Variants in SMC2 observed in about 807,000 individuals in gnomAD.
SMC2 encodes the protein structural maintenance of chromosomes 2.
SMC2 carries 41 observed loss-of-function variants against 142.6 expected under a neutral mutation model. The observed-to-expected ratio is 0.29, with a 90% CI of 0.22 to 0.37. The LOEUF is 0.37. Ranked by LOEUF, SMC2 falls within the 10% of genes least tolerant of loss-of-function variation. SMC2 has a pLI of 1.00. For synonymous variants in SMC2, 463 were observed against 457.5 expected (o/e 1.01, Z -0.15); for missense variants, 1,265 against 1,373.7 (o/e 0.92, Z 1.25).
intron 9 of SMC2, among the ~76,000 whole-genome samples, chr9:104,108,604 A>C (rs552439172): frequency 6.6e-6 from 1 of 152,312 alleles, no homozygotes; most frequent in South Asian, 2.1e-4. Context: ...AACAACCAGG[A>C]GATCATGATT....
In SMC2 at chr9:104,126,720, A is replaced by G; in HGVS notation, c.2531A>G (p.Asn844Ser). 1 of 1,612,798 alleles carries G rather than the reference A, an allele frequency of 6.2e-7. No individual in the cohort carries two copies. The highest frequency in any genetic ancestry group is 1.1e-5 in the South Asian group (1 of 91,048). ...TSYKQQLEAVNEAIKSYESQI... is the reference protein window; with the variant it reads ...TSYKQQLEAVSEAIKSYESQI... ...TACAAACAACAGCTTGAAGCTGTAA[A>G]TGAAGCTATCAAATCCTATGAAAGT... Residue 844 changes from asparagine to serine, a missense_variant, in exon 19 of 25, where the codon AAT becomes AGT. Physicochemically the swap from Asn to Ser is conservative, Grantham distance 46. Coordinates refer to ENST00000374793, the MANE Select transcript of SMC2 (RefSeq NM_006444.3).
intron 9 of SMC2, among the ~76,000 whole-genome samples, chr9:104,111,208 A>G (rs966459019): frequency 3.3e-5 from 5 of 152,200 alleles, no homozygotes; most frequent in African/African-American, 1.2e-4. Context: ...TTTCATATAC[A>G]TGCTCTTAAT....
At chr9:104,122,658 A>G (rs75795577) in intron 16 of SMC2, among the ~76,000 whole-genome samples, 8,592 of 152,154 alleles carry the variant, frequency 0.056, 639 homozygotes, top group African/African-American at 0.18. Flanking sequence ...GTTCAAAACT[A>G]TTTTTCTTAC....
intron 3 of SMC2, among the ~76,000 whole-genome samples, chr9:104,096,883 C>T (rs990689813): frequency 4.6e-5 from 7 of 152,148 alleles, no homozygotes; most frequent in African/African-American, 1.7e-4. Flanking sequence ...AGTTTCCCTC[C>T]CTGCTCCTGC....
intron 23 of SMC2, among the ~76,000 whole-genome samples, chr9:104,137,357 C>A (rs1835662844): frequency 6.6e-6 from 1 of 151,730 alleles, no homozygotes; most frequent in Non-Finnish European, 1.5e-5. Context: ...ATTCTTCATA[C>A]CAGATTAGAA....
Position 104,120,103 on chromosome 9 carries a change from A to G in SMC2, c.2073A>G (p.Lys691=). ...LKDVQDELRI[K]ENELRALEEE... Reference sequence around the variant, plus strand: ...ATGTTCAGGATGAACTGAGAATCAAAGAGAATGAGCTGCGGGCTCTAGAAG... The same window carrying G: ...ATGTTCAGGATGAACTGAGAATCAAGGAGAATGAGCTGCGGGCTCTAGAAG... The change falls in exon 16 of 25, where the codon AAA becomes AAG. Residue 691 remains lysine, a synonymous_variant. Coordinates refer to ENST00000374793, the MANE Select transcript of SMC2 (RefSeq NM_006444.3). The G allele has an allele frequency of 6.2e-7, 1 of 1,614,070 alleles. No individual in the cohort carries two copies. Among genetic ancestry groups the G allele is most frequent in the Non-Finnish European group, 8.5e-7 (1 of 1,179,954 alleles).
At chr9:104,129,885 A>G (rs760087052) in intron 21 of SMC2, 40 bp downstream of exon 21, 11 of 1,478,822 alleles carry the variant, frequency 7.4e-6, no homozygotes, top group Non-Finnish European at 1.0e-5. Context: ...GCATTAGAAC[A>G]TGACTAGCAT....
chr9:104,094,138 C>A, upstream of SMC2: 1 of 374,554 alleles, frequency 2.7e-6, no homozygotes, highest in South Asian at 1.5e-4. Context: ...GTGCCCAGGC[C>A]CCTGCCGGGG....
intron 1 of SMC2, 113 bp downstream of exon 1, chr9:104,094,590 G>T (rs1309518728): frequency 2.7e-5 from 10 of 375,636 alleles, no homozygotes; most frequent in Non-Finnish European, 4.7e-5. Flanking sequence ...GGGACCAGTG[G>T]CAGAGGGACC....
intron 20 of SMC2, 51 bp downstream of exon 20, chr9:104,127,531 CT>C: frequency 7.3e-7 from 1 of 1,370,360 alleles, no homozygotes; most frequent in South Asian, 1.9e-5. Context: ...TGTTACTGAG[CT>C]CTTGAAAAAA....
intron 3 of SMC2, among the ~76,000 whole-genome samples, chr9:104,097,523 A>AG (rs1830590008): frequency 6.6e-6 from 1 of 151,252 alleles, no homozygotes; most frequent in African/African-American, 2.4e-5. Context: ...AAAAAAAAAA[A>AG]AAAGAAGCGT....
In SMC2 at chr9:104,102,505, G is replaced by T; in HGVS notation, c.952G>T (p.Asp318Tyr). 1 of 1,613,750 alleles carries T rather than the reference G, an allele frequency of 6.2e-7. No individual in the cohort carries two copies. The highest frequency in any genetic ancestry group is 8.5e-7 in the Non-Finnish European group (1 of 1,179,816). Reference protein sequence around the residue: ...RVNTKSQSAFDLKKKNLACEE... With the variant: ...RVNTKSQSAFYLKKKNLACEE... ...TAATACTAAATCTCAAAGCGCATTT[G>T]ATCTCAAGAAGAAAAATCTGGCATG... Residue 318 changes from aspartate to tyrosine, a missense_variant, in exon 9 of 25, where the codon GAT becomes TAT. Around this residue, in one of 4 missense-constraint regions of SMC2, gnomAD observed 898 missense variants for 904.2 expected, o/e 0.99. Coordinates refer to ENST00000374793, the MANE Select transcript of SMC2 (RefSeq NM_006444.3).
At chr9:104,118,430 CTTTTTTAAGTACA>C in intron 15 of SMC2, 55 bp downstream of exon 15, 1 of 1,427,426 alleles carries the variant, frequency 7.0e-7, no homozygotes, top group Non-Finnish European at 9.7e-7. Context: ...AGGAAGATGC[CTTTTTTAAGTACA>C]TTTTTAGCCC....
intron 15 of SMC2, 85 bp downstream of exon 15, chr9:104,118,460 C>A (rs1833375872): frequency 2.8e-6 from 3 of 1,086,528 alleles, no homozygotes; most frequent in Admixed American, 2.1e-5. Flanking sequence ...GCCCAACTAC[C>A]CACTTCTTCA....
chr9:104,095,669 A>C, intron 2 of SMC2, 117 bp downstream of exon 2: 1 of 725,206 alleles, frequency 1.4e-6, no homozygotes, highest in Non-Finnish European at 2.3e-6. Context: ...TGTAAATTAC[A>C]CCTCACTGCA....
upstream of SMC2, among the ~76,000 whole-genome samples, chr9:104,089,843 G>A (rs1430343319): frequency 6.6e-6 from 1 of 151,894 alleles, no homozygotes; most frequent in African/African-American, 2.4e-5. Flanking sequence ...ACGGGGTTTC[G>A]CCATGTTGGA....
chr9:104,129,087 A>AT, intron 20 of SMC2, among the ~76,000 whole-genome samples: 1 of 152,284 alleles, frequency 6.6e-6, no homozygotes, highest in Non-Finnish European at 1.5e-5. Context: ...TTTCTCTGTG[A>AT]GTTGGCTCTT....
chr9:104,113,199 C>T, intron 10 of SMC2, 117 bp from the exon 11 acceptor site: 5 of 665,388 alleles, frequency 7.5e-6, no homozygotes, highest in Non-Finnish European at 1.2e-5. Flanking sequence ...AGAGACCAAA[C>T]AATTAAACTT....
intron 23 of SMC2, among the ~76,000 whole-genome samples, chr9:104,134,877 C>T (rs143033622): frequency 6.6e-6 from 1 of 152,076 alleles, no homozygotes; most frequent in African/African-American, 2.4e-5. Flanking sequence ...GGCTTTCTCT[C>T]TAGAGGCAGT....
Sources: allele counts gnomAD v4.1 joint callset (sites outside exome capture counted in the v4.1 genomes callset), GRCh38; gene constraint gnomAD v4.1.1; regional missense constraint gnomAD v4.1.1; transcripts MANE v1.5; gene names NCBI Gene and HGNC (gene_info 2026-07-23, HGNC 2026-07-21).